The following PDZK1IP1 variants were observed in gnomAD, a reference collection of about 807,000 sequenced individuals.
PDZK1IP1 encodes PDZK1 interacting protein 1.
PDZK1IP1 carries 9 observed loss-of-function variants against 14.7 expected under a neutral mutation model. The observed-to-expected ratio is 0.61, with a 90% CI of 0.37 to 1.07. The LOEUF (loss-of-function observed/expected upper bound fraction) is 1.07. PDZK1IP1 is among the 50% of genes least tolerant of loss of function. The pLI is 0.01. For synonymous variants in PDZK1IP1, 70 were observed against 61.2 expected, an observed-to-expected ratio of 1.14 and a Z score of -0.67; for missense variants, 152 against 148.7, an observed-to-expected ratio of 1.02 and a Z score of -0.11.
Position 47,187,347 on chromosome 1 carries a change from C to T in PDZK1IP1, c.148G>A (p.Val50Ile), listed in dbSNP as rs1329536071. 3 of 1,612,676 alleles carry T rather than the reference C, an allele frequency of 1.9e-6. No homozygotes were observed. The highest frequency in any genetic ancestry group is 2.2e-5 in the East Asian group (1 of 44,890). The change falls in exon 2 of 4, where the codon GTC becomes ATC. Residue 50 changes from valine (V) to isoleucine (I), a missense_variant. Coordinates refer to ENST00000294338, the MANE Select transcript of PDZK1IP1 (RefSeq NM_005764.4). ...FLVLVAIAFA[V>I]NHFWCQEEPE... Reference sequence around the variant, plus strand: ...TCCTCCTGGCACCAGAAGTGGTTGACTGCAAAGGCGATTGCAACGAGGACC... The same window carrying T: ...TCCTCCTGGCACCAGAAGTGGTTGATTGCAAAGGCGATTGCAACGAGGACC...
intron 1 of PDZK1IP1, among the ~76,000 whole-genome samples, chr1:47,187,830 G>A (rs1217100844): frequency 6.6e-6 from 1 of 152,206 alleles, no homozygotes; most frequent in African/African-American, 2.4e-5. Context: ...AGCTGGGAGT[G>A]GCTCCCAGAA....
At chr1:47,186,249 A>G (rs569357758) in intron 2 of PDZK1IP1, among the ~76,000 whole-genome samples, 131 of 151,872 alleles carry the variant, frequency 8.6e-4, no homozygotes, top group Non-Finnish European at 1.5e-3. Context: ...CAGAAGTTGC[A>G]GTGAGCCGAG....
At chr1:47,188,711 G>C (rs527604487) in intron 1 of PDZK1IP1, among the ~76,000 whole-genome samples, 9 of 152,196 alleles carry the variant, frequency 5.9e-5, no homozygotes, top group Non-Finnish European at 1.3e-4. Context: ...AGGAGGCTAG[G>C]AACTCTCTGG....
chr1:47,188,063 G>A (rs1406737267), intron 1 of PDZK1IP1, among the ~76,000 whole-genome samples: 1 of 152,172 alleles, frequency 6.6e-6, no homozygotes, highest in African/African-American at 2.4e-5. Context: ...GGGTCTTGGG[G>A]ACCAGGAAAG....
intron 1 of PDZK1IP1, among the ~76,000 whole-genome samples, chr1:47,189,149 G>A (rs897441836): frequency 1.3e-5 from 2 of 152,068 alleles, no homozygotes; most frequent in Admixed American, 6.6e-5. Flanking sequence ...AGCTCGGGGT[G>A]GGGGTGGGAG....
intron 2 of PDZK1IP1, among the ~76,000 whole-genome samples, chr1:47,186,458 C>T (rs896796717): frequency 6.6e-6 from 1 of 152,240 alleles, no homozygotes; most frequent in African/African-American, 2.4e-5. Context: ...ATCCCTGTCT[C>T]CACCCACTGA....
chr1:47,184,181 C>T (rs1401960681), intron 3 of PDZK1IP1, 138 bp from the exon 4 acceptor site: 3 of 695,316 alleles, frequency 4.3e-6, no homozygotes, highest in African/African-American at 3.5e-5. Context: ...GTCCTGACCA[C>T]ATCTGGGCTT....
At position 47,183,935 on chromosome 1, in the gene PDZK1IP1, T is replaced by C; in HGVS notation, c.*36A>G. The C allele has an allele frequency of 6.6e-7, 1 of 1,523,298 alleles. No individual in the cohort carries two copies. The allele number at this position is 1,523,298 out of a possible 1,614,324, so 94.4% of individuals were successfully genotyped here. On this transcript the variant is annotated 3_prime_UTR_variant, in exon 4 of 4. Coordinates refer to ENST00000294338, the MANE Select transcript of PDZK1IP1 (RefSeq NM_005764.4). ...GGTAGCACTGGACATCCATCCCATG[T>C]GCCTGGGAGTCTTGGGGTTGGAGCC...
At chr1:47,185,590 G>T (rs1280982182) in intron 2 of PDZK1IP1, among the ~76,000 whole-genome samples, 3 of 152,120 alleles carry the variant, frequency 2.0e-5, no homozygotes, top group African/African-American at 7.2e-5. Context: ...TCTCATGAGG[G>T]TTACAGGGAC....
At position 47,187,543 on chromosome 1, in the gene PDZK1IP1, G is replaced by GCCT. The variant is rs1262223601; in HGVS notation, c.68-117_68-116insAGG. ...CTATGCTGAAGGCCCTCAGCCAGCT[G>GCCT]CCAGGAGCAAGGAGACATTGTGGGG... On this transcript the variant is annotated intron_variant, in intron 1 of 3. Coordinates refer to ENST00000294338, the MANE Select transcript of PDZK1IP1 (RefSeq NM_005764.4). The GCCT allele has an allele frequency of 8.4e-5, 65 of 774,710 alleles. 1 individual carries two copies. The highest frequency in any genetic ancestry group is 3.2e-4 in the East Asian group (12 of 37,144). 48.0% of individuals were successfully genotyped at this position (774,710 alleles called of 1,614,324 possible).
At chr1:47,185,399 C>T in intron 2 of PDZK1IP1, 1 of 363,360 alleles carries the variant, frequency 2.8e-6, no homozygotes, top group South Asian at 3.0e-5. Context: ...AGTGTCTGCC[C>T]CAAATTTCCC....
At position 47,183,681 on chromosome 1, in the gene PDZK1IP1, T is replaced by TG. The variant is rs1241646055; in HGVS notation, c.*289dup. The stretch of plus-strand genomic sequence containing the variant: ...GAAATTAGGGCCATTTCCATAGTTA[T>TG]GGGGAAGGACGTGTGAGCAGGATGG... On this transcript the variant is annotated 3_prime_UTR_variant, in exon 4 of 4. Transcript: ENST00000294338. 1 of 449,454 alleles carries TG rather than the reference T, an allele frequency of 2.2e-6. No individual in the cohort carries two copies. Among genetic ancestry groups the TG allele is most frequent in the Non-Finnish European group, 3.9e-6 (1 of 253,708 alleles). The allele number at this position is 449,454 out of a possible 1,614,324, so 27.8% of individuals were successfully genotyped here. A position where few individuals can be genotyped will look rare whatever the true frequency, so the allele number is the denominator to read the frequency against.
chr1:47,185,239 C>G, intron 2 of PDZK1IP1, 142 bp from the exon 3 acceptor site: 1 of 660,452 alleles, frequency 1.5e-6, no homozygotes, highest in Non-Finnish European at 2.7e-6. Flanking sequence ...ATGTCAGCCG[C>G]GGCTACTGGC....
intron 2 of PDZK1IP1, among the ~76,000 whole-genome samples, chr1:47,186,354 C>CA (rs1645320523): frequency 6.6e-6 from 1 of 152,066 alleles, no homozygotes; most frequent in South Asian, 2.1e-4. Context: ...GATTCCTGCT[C>CA]ACTTAGGTAA....
chr1:47,184,488 C>CCACTGAGTCCATCA (rs1645305414), intron 3 of PDZK1IP1, among the ~76,000 whole-genome samples: 1 of 11,408 alleles, frequency 8.8e-5, no homozygotes, highest in Non-Finnish European at 2.2e-4. Context: ...TGAACCCATC[C>CCACTGAGTCCATCA]CCCACTGAAC....
intron 1 of PDZK1IP1, 67 bp from the exon 2 acceptor site, chr1:47,187,494 G>C: frequency 1.6e-6 from 2 of 1,282,784 alleles, no homozygotes; most frequent in Non-Finnish European, 1.1e-6. Flanking sequence ...GAGAGCGAGG[G>C]GCCTCACTCT....
chr1:47,185,346 A>T, intron 2 of PDZK1IP1: 1 of 463,746 alleles, frequency 2.2e-6, no homozygotes, highest in East Asian at 4.3e-5. Flanking sequence ...TCTCTGTCCC[A>T]GACGCCCTCA....
intron 1 of PDZK1IP1, among the ~76,000 whole-genome samples, chr1:47,188,032 T>C (rs893589395): frequency 1.3e-5 from 2 of 152,108 alleles, no homozygotes; most frequent in Non-Finnish European, 2.9e-5. Context: ...AAGGGCAGAA[T>C]GGAGGGGTGA....
At position 47,183,920 on chromosome 1, in the gene PDZK1IP1, G is replaced by T; in HGVS notation, c.*51C>A. The stretch of plus-strand genomic sequence containing the variant: ...GGAGGGGGCTTGGGTGGTAGCACTG[G>T]ACATCCATCCCATGTGCCTGGGAGT... On this transcript the variant is annotated 3_prime_UTR_variant, in exon 4 of 4. Transcript: ENST00000294338. 1 of 1,424,928 alleles carries T rather than the reference G, an allele frequency of 7.0e-7. No individual in the cohort carries two copies. The highest frequency in any genetic ancestry group is 9.7e-7 in the Non-Finnish European group (1 of 1,026,562). 88.3% of individuals were successfully genotyped at this position (1,424,928 alleles called of 1,614,324 possible).
Sources: gnomAD v4.1 joint callset for allele counts (sites outside exome capture counted in the v4.1 genomes callset) on GRCh38, gnomAD v4.1.1 for gene constraint, MANE v1.5 for transcripts, NCBI Gene and HGNC (gene_info 2026-07-23, HGNC 2026-07-21) for gene names.